The following SLC38A12 variants were observed in gnomAD, a reference collection of about 807,000 sequenced individuals.
The protein encoded by SLC38A12 is solute carrier family 38 member 12.
the SLC38A12 span, among the ~76,000 whole-genome samples, chr17:74,798,517 G>A: frequency 3.3e-5 from 5 of 152,176 alleles, no homozygotes; most frequent in Non-Finnish European, 4.4e-5. Context: ...GCTTCCCGGC[G>A]CGGCTGATAT....
chr17:74,816,768 C>T, the SLC38A12 span, among the ~76,000 whole-genome samples: 1 of 151,934 alleles, frequency 6.6e-6, no homozygotes, highest in Non-Finnish European at 1.5e-5. Flanking sequence ...AGTCCTTGAG[C>T]AGAGACTGAG....
At chr17:74,808,848 G>A in the SLC38A12 span, among the ~76,000 whole-genome samples, 22 of 152,168 alleles carry the variant, frequency 1.4e-4, no homozygotes, top group Admixed American at 2.6e-4. Context: ...CTCCTGCAGC[G>A]GCCACAGTGC....
the SLC38A12 span, among the ~76,000 whole-genome samples, chr17:74,785,835 A>C: frequency 1.3e-5 from 2 of 152,192 alleles, no homozygotes; most frequent in African/African-American, 4.8e-5. Flanking sequence ...AAAAACCTGG[A>C]CATCCACTAG....
chr17:74,790,409 T>C, the SLC38A12 span: 1 of 966,530 alleles, frequency 1.0e-6, no homozygotes, highest in Non-Finnish European at 1.6e-6. Context: ...TTCCTGCCCC[T>C]GGGTTCTGAG....
At chr17:74,813,899 A>T in the SLC38A12 span, among the ~76,000 whole-genome samples, 1 of 152,136 alleles carries the variant, frequency 6.6e-6, no homozygotes, top group African/African-American at 2.4e-5. Context: ...GAATTTCATC[A>T]AAGTCTTAGT....
chr17:74,825,849 G>A, the SLC38A12 span, among the ~76,000 whole-genome samples: 7 of 152,312 alleles, frequency 4.6e-5, no homozygotes, highest in Admixed American at 2.6e-4. Flanking sequence ...AAGTCAGGCC[G>A]TCATATACAT....
At chr17:74,790,325 A>G in the SLC38A12 span, 1 of 1,598,114 alleles carries the variant, frequency 6.3e-7, no homozygotes, top group Non-Finnish European at 8.6e-7. Flanking sequence ...GCGGGCCCGC[A>G]CTTCCCTCCG....
the SLC38A12 span, chr17:74,790,862 T>G: frequency 8.8e-7 from 1 of 1,132,190 alleles, no homozygotes; most frequent in Non-Finnish European, 1.3e-6. Context: ...CTTGGGGATT[T>G]CATGGTTTAG....
At chr17:74,835,742 G>A in the SLC38A12 span, among the ~76,000 whole-genome samples, 1 of 152,200 alleles carries the variant, frequency 6.6e-6, no homozygotes, top group African/African-American at 2.4e-5. Context: ...GGACAGAGAG[G>A]GATGCGGGAC....
the SLC38A12 span, among the ~76,000 whole-genome samples, chr17:74,835,289 C>T: frequency 2.6e-5 from 4 of 152,208 alleles, no homozygotes; most frequent in Admixed American, 2.6e-4. Flanking sequence ...GATGCTATTT[C>T]TGCCCTGGCG....
the SLC38A12 span, chr17:74,785,654 G>A: frequency 6.3e-7 from 1 of 1,592,874 alleles, no homozygotes; most frequent in Non-Finnish European, 8.6e-7. Context: ...GAGCAGGAGG[G>A]AGTCAGCCCA....
the SLC38A12 span, among the ~76,000 whole-genome samples, chr17:74,818,946 A>C: frequency 1.3e-5 from 2 of 152,100 alleles, no homozygotes; most frequent in African/African-American, 4.8e-5. Flanking sequence ...GAAGGTTCCC[A>C]TTTCCCACAG....
At chr17:74,837,867 G>A in the SLC38A12 span, 3 of 985,998 alleles carry the variant, frequency 3.0e-6, no homozygotes, top group Non-Finnish European at 3.6e-6. Context: ...GACCCTCACT[G>A]GCTTGCCCCC....
chr17:74,839,150 T>A, the SLC38A12 span: 1 of 1,516,856 alleles, frequency 6.6e-7, no homozygotes, highest in Non-Finnish European at 8.8e-7. Flanking sequence ...CACCTGAGGC[T>A]AGAGCAGCAG....
chr17:74,801,942 C>T, the SLC38A12 span, among the ~76,000 whole-genome samples: 3 of 152,138 alleles, frequency 2.0e-5, no homozygotes, highest in African/African-American at 7.2e-5. Context: ...TGCAGCTTGT[C>T]TCTCTAGCTC....
chr17:74,792,206 T>C, the SLC38A12 span, among the ~76,000 whole-genome samples: 1 of 151,592 alleles, frequency 6.6e-6, no homozygotes, highest in Non-Finnish European at 1.5e-5. Context: ...ATCCCAGCAC[T>C]TTGGGAGGCC....
the SLC38A12 span, chr17:74,785,532 C>T: frequency 6.2e-7 from 1 of 1,614,186 alleles, no homozygotes; most frequent in East Asian, 2.2e-5. Flanking sequence ...GCGCACTCAC[C>T]ATGCCCAAGG....
At chr17:74,784,613 G>A in the SLC38A12 span, among the ~76,000 whole-genome samples, 2 of 152,162 alleles carry the variant, frequency 1.3e-5, no homozygotes, top group East Asian at 3.9e-4. Flanking sequence ...TTCTGGGAGG[G>A]AGGATTGGCA....
chr17:74,835,769 G>A, the SLC38A12 span, among the ~76,000 whole-genome samples: 1 of 152,220 alleles, frequency 6.6e-6, no homozygotes, highest in Non-Finnish European at 1.5e-5. Context: ...CTGATGAGCA[G>A]CCACTGTTGA....
Sources: allele counts gnomAD v4.1 joint callset (sites outside exome capture counted in the v4.1 genomes callset), GRCh38; gene constraint gnomAD v4.1.1; transcripts MANE v1.5; gene names NCBI Gene and HGNC (gene_info 2026-07-23, HGNC 2026-07-21).